FRMD5: variants seen among roughly 807,000 people sequenced by gnomAD.
FRMD5 encodes FERM domain containing 5.
In FRMD5, 20 loss-of-function variants were observed where a neutral mutation model predicts 69.0. The observed-to-expected ratio is 0.29, with a 90% CI of 0.20 to 0.42. The LOEUF is 0.42. Among genes scored for constraint, FRMD5 ranks in the 10% least tolerant of loss-of-function variants. The pLI is 1.00. For missense variants in FRMD5, 595 were observed against 708.6 expected (o/e 0.84, Z 1.82); for synonymous variants, 271 against 260.1 (o/e 1.04, Z -0.40).
chr15:44,095,972 T>G (rs545252249), intron 1 of FRMD5, among the ~76,000 whole-genome samples: 1 of 152,194 alleles, frequency 6.6e-6, no homozygotes, highest in East Asian at 1.9e-4. Flanking sequence ...TTTGGGAGGC[T>G]GAGGTGGGTG....
intron 1 of FRMD5, among the ~76,000 whole-genome samples, chr15:43,925,461 C>T (rs923658420): frequency 6.6e-6 from 1 of 152,152 alleles, no homozygotes; most frequent in Non-Finnish European, 1.5e-5. Flanking sequence ...TATAGATATG[C>T]CTCACAGTTT....
intron 1 of FRMD5, among the ~76,000 whole-genome samples, chr15:43,963,622 G>A (rs1356831171): frequency 1.3e-5 from 2 of 152,142 alleles, no homozygotes; most frequent in Admixed American, 6.6e-5. Context: ...GTTTATTGCG[G>A]CATTATTCAC....
Position 44,153,502 on chromosome 15 carries a change from G to A in FRMD5, c.102+41451C>T, listed in dbSNP as rs2077478898. 2.6e-5 allele frequency among the ~76,000 whole-genome samples: 4 copies of A among 152,200 alleles called. No individual in the cohort carries two copies. The South Asian group carries it at 8.3e-4, about 31-fold the overall frequency. ...TACTGTATGATTCCATTTATATGAG[G>A]TATAGACGAATACTAGAATGGTGGT... On this transcript the variant is annotated intron_variant, in intron 1 of 13. Coordinates refer to ENST00000417257, the MANE Select transcript of FRMD5 (RefSeq NM_032892.5).
At chr15:44,076,067 C>T (rs1023378060) in intron 1 of FRMD5, among the ~76,000 whole-genome samples, 6 of 151,878 alleles carry the variant, frequency 4.0e-5, no homozygotes, top group Non-Finnish European at 7.4e-5. Context: ...GGATATTAGC[C>T]CTTTGTCAGA....
At chr15:44,135,823 CAA>C (rs747196640) in intron 1 of FRMD5, among the ~76,000 whole-genome samples, 14,747 of 70,336 alleles carry the variant, frequency 0.21, 970 homozygotes, top group African/African-American at 0.39. Context: ...GACTCTGTCT[CAA>C]AAAAAAAAAA....
intron 1 of FRMD5, among the ~76,000 whole-genome samples, chr15:44,070,559 A>G (rs1595691787): frequency 6.6e-6 from 1 of 152,344 alleles, no homozygotes; most frequent in Non-Finnish European, 1.5e-5. Context: ...ACCTCAGATA[A>G]GTAATCTGTG....
intron 4 of FRMD5, among the ~76,000 whole-genome samples, chr15:43,916,603 G>C (rs921499866): frequency 2.6e-5 from 4 of 152,116 alleles, no homozygotes; most frequent in African/African-American, 9.7e-5. Context: ...TTTTATAAAT[G>C]AGTAATCTAA....
chr15:43,942,062 T>G (rs990247350), intron 1 of FRMD5, among the ~76,000 whole-genome samples: 1 of 152,190 alleles, frequency 6.6e-6, no homozygotes, highest in African/African-American at 2.4e-5. Context: ...AAGGATATTG[T>G]TAGAAAAAGC....
chr15:44,063,786 T>C (rs189645476), intron 1 of FRMD5: 34 of 324,876 alleles, frequency 1.0e-4, no homozygotes, highest in African/African-American at 6.9e-4. Flanking sequence ...ATGCTGGCAC[T>C]AATTACATCA....
intron 1 of FRMD5, among the ~76,000 whole-genome samples, chr15:44,067,295 T>C (rs1366556986): frequency 1.3e-5 from 2 of 151,994 alleles, no homozygotes; most frequent in Non-Finnish European, 2.9e-5. Flanking sequence ...AGGGATATAA[T>C]CATGAGCAAA....
chr15:44,127,791 G>C (rs1375323643), intron 1 of FRMD5, among the ~76,000 whole-genome samples: 3 of 152,148 alleles, frequency 2.0e-5, no homozygotes, highest in Admixed American at 2.0e-4. Flanking sequence ...AGGGCCGCTT[G>C]AGCCTGGGAG....
At chr15:43,969,048 T>C (rs2090336944) in intron 1 of FRMD5, among the ~76,000 whole-genome samples, 1 of 152,116 alleles carries the variant, frequency 6.6e-6, no homozygotes, top group Admixed American at 6.6e-5. Context: ...GAAAATAGTT[T>C]GTTACTGGCA....
upstream of FRMD5, among the ~76,000 whole-genome samples, chr15:44,198,373 T>C (rs546330570): frequency 6.6e-6 from 1 of 150,762 alleles, no homozygotes; most frequent in Admixed American, 6.6e-5. Context: ...TCTGCTTAGA[T>C]GCTCACCTCA....
intron 7 of FRMD5, among the ~76,000 whole-genome samples, chr15:43,901,211 A>T (rs1377188543): frequency 6.6e-6 from 1 of 152,138 alleles, no homozygotes; most frequent in Non-Finnish European, 1.5e-5. Flanking sequence ...CACAGGAAGA[A>T]CCAACCCTGC....
At chr15:44,166,166 T>C (rs1195554420) in intron 1 of FRMD5, among the ~76,000 whole-genome samples, 4 of 152,200 alleles carry the variant, frequency 2.6e-5, no homozygotes, top group Admixed American at 2.0e-4. Flanking sequence ...TTTTGCTTAC[T>C]AGTGAGGTTG....
intron 7 of FRMD5, among the ~76,000 whole-genome samples, chr15:43,895,859 C>A (rs2088899971): frequency 6.6e-6 from 1 of 152,172 alleles, no homozygotes; most frequent in Non-Finnish European, 1.5e-5. Context: ...CACACTGACA[C>A]CTTCCCTGGA....
intron 10 of FRMD5, among the ~76,000 whole-genome samples, chr15:43,886,588 C>G (rs2088669343): frequency 6.6e-6 from 1 of 152,192 alleles, no homozygotes; most frequent in African/African-American, 2.4e-5. Flanking sequence ...GCCTATGGTA[C>G]TGATCCAACC....
intron 1 of FRMD5, among the ~76,000 whole-genome samples, chr15:44,070,178 C>T (rs1337064979): frequency 2.0e-5 from 3 of 152,084 alleles, no homozygotes; most frequent in African/African-American, 7.2e-5. Flanking sequence ...ATACCTGAAA[C>T]CCATAGGAAA....
chr15:44,180,529 A>G lies in FRMD5; in HGVS notation c.102+14424T>C, dbSNP rs143478880. Among the ~76,000 whole-genome samples the G allele has an allele frequency of 3.9e-3, 601 of 152,354 alleles. 5 individuals are homozygous for G. Among genetic ancestry groups the G allele is most frequent in the African/African-American group, 0.014 (562 of 41,592 alleles). The stretch of plus-strand genomic sequence containing the variant: ...GCCAGGCGCGGCAGCTCACACCTGT[A>G]TTCCCAGCACTTTGGGAGGCCAACA... On this transcript the variant is annotated intron_variant, in intron 1 of 13. Transcript: ENST00000417257.
Sources: gnomAD v4.1 joint callset for allele counts (sites outside exome capture counted in the v4.1 genomes callset) on GRCh38, gnomAD v4.1.1 for gene constraint, MANE v1.5 for transcripts, NCBI Gene and HGNC (gene_info 2026-07-23, HGNC 2026-07-21) for gene names.